The following UNC79 variants were observed in gnomAD, a reference collection of about 807,000 sequenced individuals.
UNC79 encodes the protein protein unc-79 homolog.
Under a neutral mutation model 283.1 loss-of-function variants are expected in UNC79, and 37 were observed. That is an observed-to-expected ratio of 0.13 (90% CI 0.10 to 0.17). The LOEUF is 0.17. Among genes scored for constraint, UNC79 ranks in the 10% least tolerant of loss-of-function variants. UNC79 has a pLI of 1.00. For missense variants in UNC79, 2,272 were observed against 3,211.1 expected, an observed-to-expected ratio of 0.71 and a Z score of 7.07; for synonymous variants, 1,107 against 1,200.2, an observed-to-expected ratio of 0.92 and a Z score of 1.61.
intron 1 of UNC79, among the ~76,000 whole-genome samples, chr14:93,389,337 C>A (rs1266023541): frequency 1.3e-5 from 2 of 152,090 alleles, no homozygotes; most frequent in African/African-American, 4.8e-5. Context: ...GATTAAAAAA[C>A]TAGAAATCTG....
intron 41 of UNC79, among the ~76,000 whole-genome samples, chr14:93,678,925 C>T (rs1218240081): frequency 6.6e-6 from 1 of 152,148 alleles, no homozygotes; most frequent in African/African-American, 2.4e-5. Context: ...GGGCATAGTT[C>T]TCCTTTTGCA....
intron 1 of UNC79, among the ~76,000 whole-genome samples, chr14:93,405,283 CAAA>C (rs11289076): frequency 8.3e-6 from 1 of 120,616 alleles, no homozygotes; most frequent in Non-Finnish European, 1.8e-5. Context: ...AACTCCATCT[CAAA>C]AAAAAAAAAA....
At chr14:93,616,961 CT>C (rs1271942726) in intron 27 of UNC79, among the ~76,000 whole-genome samples, 160 bp from the exon 29 acceptor site, 4 of 152,096 alleles carry the variant, frequency 2.6e-5, no homozygotes, top group African/African-American at 9.7e-5. Context: ...ACTTTTCCTC[CT>C]TCTTGCGTAC....
intron 14 of UNC79, among the ~76,000 whole-genome samples, chr14:93,549,876 G>A (rs2061783857): frequency 6.6e-6 from 1 of 152,212 alleles, no homozygotes; most frequent in Admixed American, 6.5e-5. Context: ...TGTATATGTA[G>A]AAACTGTTGG....
intron 26 of UNC79, 53 bp downstream of exon 27, chr14:93,605,014 C>A: frequency 6.6e-7 from 1 of 1,521,722 alleles, no homozygotes. Flanking sequence ...CACAGGTGGA[C>A]AAGGTAGAGA....
chr14:93,628,366 A>G (rs905479263), intron 30 of UNC79, among the ~76,000 whole-genome samples: 4 of 152,124 alleles, frequency 2.6e-5, no homozygotes, highest in African/African-American at 9.7e-5. Flanking sequence ...ACTGCCAAAT[A>G]TCTGTCTGGC....
chr14:93,499,741 C>G (rs2140659237), intron 7 of UNC79, among the ~76,000 whole-genome samples: 1 of 152,178 alleles, frequency 6.6e-6, no homozygotes, highest in African/African-American at 2.4e-5. Flanking sequence ...TGTGGGGACA[C>G]ACAGAAAGGG....
At chr14:93,416,467 T>C (rs1455687968) in intron 1 of UNC79, among the ~76,000 whole-genome samples, 1 of 152,014 alleles carries the variant, frequency 6.6e-6, no homozygotes, top group Non-Finnish European at 1.5e-5. Flanking sequence ...GGAATAGGTG[T>C]GGTGTGGTGC....
chr14:93,448,416 T>C (rs766662635), intron 1 of UNC79, among the ~76,000 whole-genome samples: 14 of 152,324 alleles, frequency 9.2e-5, no homozygotes, highest in Non-Finnish European at 1.9e-4. Context: ...GTTTCATGCA[T>C]TGAAAACATA....
chr14:93,682,799 T>C (rs2073948101), intron 42 of UNC79, 105 bp downstream of exon 45: 1 of 1,058,766 alleles, frequency 9.4e-7, no homozygotes, highest in Non-Finnish European at 1.4e-6. Flanking sequence ...TGCCATTTAC[T>C]AGCTATGTGA....
At chr14:93,630,849 C>T (rs2067973303) in exon 31 of UNC79, 2 of 1,614,076 alleles carry the variant, frequency 1.2e-6, no homozygotes, top group Admixed American at 3.3e-5. Context: ...CGAGAATCTT[C>T]ATCTGCCCCT....
At chr14:93,641,004 C>A (rs1267408680) in intron 32 of UNC79, 141 bp from the exon 36 acceptor site, 1 of 544,616 alleles carries the variant, frequency 1.8e-6, no homozygotes, top group Non-Finnish European at 3.1e-6. Flanking sequence ...TGATTGAGGG[C>A]TTTCTGCAGT....
At chr14:93,671,535 G>A (rs2072859776) in intron 40 of UNC79, among the ~76,000 whole-genome samples, 1 of 152,110 alleles carries the variant, frequency 6.6e-6, no homozygotes, top group Non-Finnish European at 1.5e-5. Flanking sequence ...CACTTTCGGA[G>A]GCCGAGGCAG....
At chr14:93,486,157 C>T (rs2058417951) in intron 4 of UNC79, among the ~76,000 whole-genome samples, 1 of 152,138 alleles carries the variant, frequency 6.6e-6, no homozygotes, top group African/African-American at 2.4e-5. Flanking sequence ...GTTTAGAAAT[C>T]TAAGGGTTGA....
intron 14 of UNC79, among the ~76,000 whole-genome samples, chr14:93,568,192 A>G (rs1033662119): frequency 6.6e-6 from 1 of 152,172 alleles, no homozygotes; most frequent in African/African-American, 2.4e-5. Flanking sequence ...GGGTCTTAAT[A>G]TAACTATTAA....
intron 7 of UNC79, among the ~76,000 whole-genome samples, chr14:93,518,511 A>G (rs1334638057): frequency 6.6e-6 from 1 of 151,060 alleles, no homozygotes; most frequent in Admixed American, 6.6e-5. Context: ...CCAGTTTTTG[A>G]TTTTATTGAT....
At chr14:93,465,903 A>G (rs995959998) in intron 1 of UNC79, among the ~76,000 whole-genome samples, 3 of 152,186 alleles carry the variant, frequency 2.0e-5, no homozygotes, top group Non-Finnish European at 4.4e-5. Flanking sequence ...CTGGCCTAGC[A>G]TATATCTCGG....
At chr14:93,338,574 A>G (rs964436562) in intron 1 of UNC79, among the ~76,000 whole-genome samples, 5 of 152,238 alleles carry the variant, frequency 3.3e-5, no homozygotes, top group African/African-American at 1.2e-4. Context: ...AAGAATGCTT[A>G]CAATTTAGTA....
At chr14:93,441,909 C>A (rs189748330) in intron 1 of UNC79, among the ~76,000 whole-genome samples, 1 of 152,040 alleles carries the variant, frequency 6.6e-6, no homozygotes. Context: ...TCTAATAGAT[C>A]CTTTAGGAAG....
Sources: gnomAD v4.1 joint callset for allele counts (sites outside exome capture counted in the v4.1 genomes callset) on GRCh38, gnomAD v4.1.1 for gene constraint, MANE v1.5 for transcripts, NCBI Gene and HGNC (gene_info 2026-07-23, HGNC 2026-07-21) for gene names.